Variants in RNGTT observed in about 807,000 individuals in gnomAD.
RNGTT encodes the protein RNA guanylyltransferase and 5'-phosphatase, also known as mRNA-capping enzyme.
In RNGTT, 33 loss-of-function variants were observed where a neutral mutation model predicts 79.3. That is an observed-to-expected ratio of 0.42 (90% CI 0.32 to 0.56). The LOEUF is 0.56. RNGTT is among the 20% of genes least tolerant of loss of function. The pLI is 0.17. For missense variants in RNGTT, 497 were observed against 739.1 expected, an observed-to-expected ratio of 0.67 and a Z score of 3.80; for synonymous variants, 222 against 235.9, an observed-to-expected ratio of 0.94 and a Z score of 0.54.
intron 8 of RNGTT, among the ~76,000 whole-genome samples, chr6:88,879,678 C>T (rs937496690): frequency 3.3e-5 from 5 of 152,080 alleles, no homozygotes; most frequent in Non-Finnish European, 7.4e-5. Flanking sequence ...CATGAACTTA[C>T]AATTAATGGG....
At chr6:88,829,701 C>CA (rs766593092) in intron 11 of RNGTT, among the ~76,000 whole-genome samples, 11 of 47,614 alleles carry the variant, frequency 2.3e-4, no homozygotes, top group Non-Finnish European at 3.0e-4. Flanking sequence ...AAATGGAAAG[C>CA]AAAAAAAAAA....
At chr6:88,819,428 T>C (rs1474268034) in intron 11 of RNGTT, among the ~76,000 whole-genome samples, 2 of 152,176 alleles carry the variant, frequency 1.3e-5, no homozygotes, top group Non-Finnish European at 2.9e-5. Flanking sequence ...CTCATGCAGC[T>C]AATAAACACA....
chr6:88,960,889 A>T (rs1785593519), intron 1 of RNGTT, among the ~76,000 whole-genome samples: 1 of 152,260 alleles, frequency 6.6e-6, no homozygotes, highest in Non-Finnish European at 1.5e-5. Flanking sequence ...TTGAGCAGCC[A>T]TAACATTTTC....
In RNGTT at chr6:88,628,221, T is replaced by C. The variant is rs9451040; in HGVS notation, c.1507-13826A>G. On this transcript the variant is annotated intron_variant, in intron 14 of 15. Transcript: ENST00000369485. ...TATTTAAAAAGCCACTCAGAAAATG[T>C]TGAAAATCTGAAAATGATTACAATA... 7.4e-3 allele frequency among the ~76,000 whole-genome samples: 1,119 copies of C among 152,226 alleles called. 7 individuals are homozygous for C. The highest frequency in any genetic ancestry group is 0.025 in the African/African-American group (1,033 of 41,550).
At chr6:88,646,157 C>A (rs1236497090) in intron 14 of RNGTT, among the ~76,000 whole-genome samples, 1 of 152,048 alleles carries the variant, frequency 6.6e-6, no homozygotes, top group Non-Finnish European at 1.5e-5. Flanking sequence ...AAGAAAAAAA[C>A]AAACAACCCC....
intron 13 of RNGTT, among the ~76,000 whole-genome samples, chr6:88,699,927 G>A (rs12210151): frequency 0.072 from 10,893 of 152,180 alleles, 449 homozygotes; most frequent in African/African-American, 0.094. Context: ...AGAGGAATGA[G>A]GAGTTACTGT....
rs746472579 is a variant in RNGTT at position 88,647,701 on chromosome 6, T to TAAAAAAAAAAAAAAAAAAAAAAA, written c.1506+30651_1506+30652insTTTTTTTTTTTTTTTTTTTTTTT. ...CTGGGTGACAGAACCGACACCCTGT[T>TAAAAAAAAAAAAAAAAAAAAAAA]AAAAAAAAAAAAAAAAGAAGAAGAA... is the stretch of plus-strand genomic sequence containing the variant. On this transcript the variant is annotated intron_variant, in intron 14 of 15. Transcript: ENST00000369485. 8.5e-4 allele frequency among the ~76,000 whole-genome samples: 86 copies of TAAAAAAAAAAAAAAAAAAAAAAA among 100,780 alleles called. 2 individuals are homozygous for TAAAAAAAAAAAAAAAAAAAAAAA. Among genetic ancestry groups the TAAAAAAAAAAAAAAAAAAAAAAA allele is most frequent in the East Asian group, 3.8e-3 (14 of 3,704 alleles). The allele number at this position is 100,780 out of a possible 152,430, so 66.1% of individuals were successfully genotyped here.
intron 12 of RNGTT, among the ~76,000 whole-genome samples, chr6:88,790,395 T>C (rs1582463884): frequency 1.3e-5 from 2 of 152,232 alleles, no homozygotes; most frequent in Middle Eastern, 3.4e-3. Flanking sequence ...GTTTATTCTG[T>C]GAAAAAGCTG....
intron 12 of RNGTT, among the ~76,000 whole-genome samples, chr6:88,796,184 G>A (rs945659404): frequency 1.3e-5 from 2 of 151,948 alleles, no homozygotes; most frequent in South Asian, 2.1e-4. Flanking sequence ...TGATATAGTC[G>A]TTTAAGTAAA....
intron 2 of RNGTT, 72 bp from the exon 3 acceptor site, chr6:88,929,339 G>T: frequency 1.1e-6 from 1 of 904,756 alleles, no homozygotes; most frequent in South Asian, 1.5e-5. Flanking sequence ...TAGACTAAAT[G>T]GCAATACTAC....
intron 8 of RNGTT, among the ~76,000 whole-genome samples, chr6:88,882,188 G>A (rs1374796019): frequency 6.6e-6 from 1 of 152,122 alleles, no homozygotes; most frequent in African/African-American, 2.4e-5. Context: ...TGTGCCAGAG[G>A]TATACCTAAC....
chr6:88,804,797 C>T (rs1330484317), intron 11 of RNGTT, among the ~76,000 whole-genome samples: 1 of 151,714 alleles, frequency 6.6e-6, no homozygotes, highest in African/African-American at 2.4e-5. Flanking sequence ...ACTTTTAAGT[C>T]ATTTAGCCAG....
intron 8 of RNGTT, among the ~76,000 whole-genome samples, chr6:88,889,068 A>G (rs1782960617): frequency 6.6e-6 from 1 of 152,176 alleles, no homozygotes; most frequent in African/African-American, 2.4e-5. Flanking sequence ...CCTGCCATAT[A>G]ACCCAGAGAA....
intron 13 of RNGTT, among the ~76,000 whole-genome samples, chr6:88,750,648 C>A (rs1162719728): frequency 6.6e-6 from 1 of 152,116 alleles, no homozygotes; most frequent in Non-Finnish European, 1.5e-5. Context: ...ACAGTGTGAT[C>A]CTGGCCTGAT....
In RNGTT at chr6:88,900,987, C is replaced by A. The variant is rs544029063; in HGVS notation, c.684+3728G>T. Among the ~76,000 whole-genome samples the A allele has an allele frequency of 2.1e-3, 320 of 151,472 alleles. 1 individual carries two copies. The highest frequency in any genetic ancestry group is 3.7e-3 in the Non-Finnish European group (254 of 67,762). ...TGAAACCCTGTCTCTACTAAAAATA[C>A]AAAAATTAGCTGGGTGTGGTGGTGC... On this transcript the variant is annotated intron_variant, in intron 6 of 15. Coordinates refer to ENST00000369485, the MANE Select transcript of RNGTT (RefSeq NM_003800.5).
chr6:88,670,490 A>C (rs537708352), intron 14 of RNGTT, among the ~76,000 whole-genome samples: 2 of 152,150 alleles, frequency 1.3e-5, no homozygotes, highest in African/African-American at 4.8e-5. Flanking sequence ...GTGAGATTCT[A>C]AAAGGGGGGA....
At position 88,611,065 on chromosome 6, in the gene RNGTT, C is replaced by A. The variant is rs965564368; in HGVS notation, c.*1654G>T. The stretch of plus-strand genomic sequence containing the variant: ...CCTTTAGCGCCCAAATGTGCAAAAA[C>A]ACTCTAGTAAAAAACGTTACAATGG... On this transcript the variant is annotated 3_prime_UTR_variant, in exon 16 of 16. Transcript: ENST00000369485. The A allele has an allele frequency of 2.6e-5, 4 of 152,120 alleles. No individual in the cohort carries two copies. Among genetic ancestry groups the A allele is most frequent in the Non-Finnish European group, 5.9e-5 (4 of 68,016 alleles). The allele number at this position is 152,120 out of a possible 1,614,324, so 9.4% of individuals were successfully genotyped here.
At chr6:88,687,625 T>A (rs537093035) in intron 13 of RNGTT, among the ~76,000 whole-genome samples, 1 of 151,968 alleles carries the variant, frequency 6.6e-6, no homozygotes, top group East Asian at 1.9e-4. Flanking sequence ...TACTTACCAA[T>A]AGGAAATGAT....
intron 14 of RNGTT, among the ~76,000 whole-genome samples, chr6:88,645,857 A>G (rs972829286): frequency 1.3e-5 from 2 of 152,238 alleles, no homozygotes; most frequent in African/African-American, 4.8e-5. Flanking sequence ...ATTAGTCAAG[A>G]TGGATTAAAG....
Sources: allele counts gnomAD v4.1 joint callset (sites outside exome capture counted in the v4.1 genomes callset), GRCh38; gene constraint gnomAD v4.1.1; transcripts MANE v1.5; gene names NCBI Gene and HGNC (gene_info 2026-07-23, HGNC 2026-07-21).